The following CAPS2 variants were observed in gnomAD, a reference collection of about 807,000 sequenced individuals.
The protein encoded by CAPS2 is calcyphosine 2.
CAPS2 carries 98 observed loss-of-function variants against 86.5 expected under a neutral mutation model. That is an observed-to-expected ratio of 1.13 (90% CI 0.96 to 1.34). The LOEUF (loss-of-function observed/expected upper bound fraction) is 1.34. Ranked by LOEUF, CAPS2 falls within the 40% of genes most tolerant of loss-of-function variation. The probability of loss-of-function intolerance (pLI) is 0.00; values close to 1 mark genes in which losing one functional copy is unlikely to be tolerated. For synonymous variants in CAPS2, 210 were observed against 225.1 expected (o/e 0.93, Z 0.60); for missense variants, 729 against 686.8 (o/e 1.06, Z -0.69).
At chr12:75,379,985 C>A (rs1220982954) in intron 1 of CAPS2, among the ~76,000 whole-genome samples, 1 of 151,626 alleles carries the variant, frequency 6.6e-6, no homozygotes. Context: ...GAAGTGGTAA[C>A]CCTTCGATTA....
intron 1 of CAPS2, among the ~76,000 whole-genome samples, chr12:75,356,290 A>G (rs1456137670): frequency 6.6e-6 from 1 of 152,222 alleles, no homozygotes; most frequent in Non-Finnish European, 1.5e-5. Flanking sequence ...TTTTAAAAAT[A>G]AACATTAAAT....
chr12:75,345,416 T>G (rs1399233568), intron 1 of CAPS2, among the ~76,000 whole-genome samples: 3 of 152,166 alleles, frequency 2.0e-5, no homozygotes, highest in African/African-American at 7.2e-5. Flanking sequence ...ACTTTAATCC[T>G]AGACATGGTA....
At chr12:75,341,849 A>G (rs11180469) in intron 1 of CAPS2, among the ~76,000 whole-genome samples, 34,712 of 146,642 alleles carry the variant, frequency 0.24, 4,106 homozygotes, top group Middle Eastern at 0.31. Flanking sequence ...TCCTAGGTTC[A>G]AGCAATTCTC....
intron 16 of CAPS2, among the ~76,000 whole-genome samples, chr12:75,280,372 T>C (rs2033708515): frequency 6.6e-6 from 1 of 151,848 alleles, no homozygotes; most frequent in Non-Finnish European, 1.5e-5. Flanking sequence ...AGTTTTCTTC[T>C]ATTTAGGAAT....
intron 1 of CAPS2, among the ~76,000 whole-genome samples, chr12:75,387,435 G>A (rs1455890302): frequency 6.6e-6 from 1 of 152,194 alleles, no homozygotes; most frequent in African/African-American, 2.4e-5. Flanking sequence ...GGAGGAACAT[G>A]AGCTCTCATT....
At chr12:75,299,042 C>G in intron 9 of CAPS2, 76 bp from the exon 10 acceptor site, 3 of 946,692 alleles carry the variant, frequency 3.2e-6, no homozygotes, top group Non-Finnish European at 4.7e-6. Context: ...ACATGTTCAT[C>G]TCAAGAAGGA....
chr12:75,289,822 A>C (rs766296728), intron 13 of CAPS2, 47 bp from the exon 14 acceptor site: 3 of 1,395,360 alleles, frequency 2.1e-6, no homozygotes, highest in Middle Eastern at 2.1e-4. Context: ...CTATGCATAA[A>C]TGTATAAAGC....
intron 1 of CAPS2, among the ~76,000 whole-genome samples, chr12:75,384,402 T>G (rs2045172355): frequency 6.6e-6 from 1 of 152,072 alleles, no homozygotes; most frequent in African/African-American, 2.4e-5. Context: ...CTTAATAATC[T>G]AGATGAACGG....
chr12:75,374,303 A>G (rs560143140), intron 1 of CAPS2, among the ~76,000 whole-genome samples: 36 of 152,336 alleles, frequency 2.4e-4, no homozygotes, highest in Admixed American at 2.4e-3. Flanking sequence ...TACTCGACAG[A>G]TGGGCCAGAG....
At chr12:75,305,507 A>G in intron 7 of CAPS2, 1 of 606,884 alleles carries the variant, frequency 1.6e-6, no homozygotes, top group Non-Finnish European at 3.2e-6. Flanking sequence ...TCCAGCTCCG[A>G]GGTGCATAGC....
At chr12:75,382,012 G>T (rs1270711290) in intron 1 of CAPS2, among the ~76,000 whole-genome samples, 3 of 152,130 alleles carry the variant, frequency 2.0e-5, no homozygotes, top group African/African-American at 7.2e-5. Context: ...TTTTAACGAA[G>T]TAAAGTCTAT....
intron 11 of CAPS2, among the ~76,000 whole-genome samples, chr12:75,296,581 C>G (rs1043340263): frequency 7.2e-5 from 11 of 152,158 alleles, no homozygotes; most frequent in African/African-American, 2.4e-4. Flanking sequence ...CGTGAGCCAC[C>G]GCACCCAGCG....
chr12:75,322,580 A>T (rs2040405247), intron 4 of CAPS2, among the ~76,000 whole-genome samples: 1 of 152,228 alleles, frequency 6.6e-6, no homozygotes, highest in African/African-American at 2.4e-5. Flanking sequence ...AAAACACTAG[A>T]TATGTTTGAA....
At chr12:75,351,825 G>A (rs2042835228) in intron 1 of CAPS2, among the ~76,000 whole-genome samples, 1 of 152,124 alleles carries the variant, frequency 6.6e-6, no homozygotes, top group African/African-American at 2.4e-5. Flanking sequence ...GGGATTACAG[G>A]CATGAGCCAT....
At chr12:75,379,926 T>C (rs2139798298) in intron 1 of CAPS2, among the ~76,000 whole-genome samples, 1 of 150,690 alleles carries the variant, frequency 6.6e-6, no homozygotes, top group South Asian at 2.1e-4. Flanking sequence ...AGAGGTTTCC[T>C]AGAACATAAG....
At chr12:75,326,361 T>TA (rs947683286) in intron 1 of CAPS2, 57 bp downstream of exon 2, 59 of 653,098 alleles carry the variant, frequency 9.0e-5, no homozygotes, top group Admixed American at 4.9e-4. Flanking sequence ...GAAGAAAAGG[T>TA]AAAAAAATTA....
chr12:75,315,395 C>T (rs1417523431), intron 6 of CAPS2, among the ~76,000 whole-genome samples: 1 of 151,916 alleles, frequency 6.6e-6, no homozygotes, highest in African/African-American at 2.4e-5. Context: ...ACATAAATAT[C>T]CAAGTAATAA....
At chr12:75,369,575 A>T (rs1489441633) in intron 1 of CAPS2, 2 of 984,504 alleles carry the variant, frequency 2.0e-6, no homozygotes, top group Non-Finnish European at 2.4e-6. Flanking sequence ...AGTAAGGACC[A>T]TTACAGAAAT....
rs539039943 is a variant in CAPS2 at position 75,289,829 on chromosome 12, A to C, written c.1241-54T>G. On this transcript the variant is annotated intron_variant, in intron 13 of 16. Coordinates refer to ENST00000393284, the Ensembl canonical transcript of CAPS2. Reference sequence around the variant, plus strand: ...AATTGTTCCTATGCATAAATGTATAAAGCCGCAGTTATCTTTCATAAGAAA... The same window carrying C: ...AATTGTTCCTATGCATAAATGTATACAGCCGCAGTTATCTTTCATAAGAAA... The C allele has an allele frequency of 1.2e-5, 15 of 1,260,612 alleles. No homozygotes were observed. The South Asian group carries it at 1.7e-4, about 14-fold the overall frequency. The allele number at this position is 1,260,612 out of a possible 1,614,324, so 78.1% of individuals were successfully genotyped here.
Sources: gnomAD v4.1 joint callset for allele counts (sites outside exome capture counted in the v4.1 genomes callset) on GRCh38, gnomAD v4.1.1 for gene constraint, MANE v1.5 for transcripts, NCBI Gene and HGNC (gene_info 2026-07-23, HGNC 2026-07-21) for gene names.